DMD: variants seen among roughly 807,000 people sequenced by gnomAD.
DMD encodes dystrophin.
In DMD, 63 loss-of-function variants were observed where a neutral mutation model predicts 330.1. The observed-to-expected ratio is 0.19, with a 90% confidence interval of 0.16 to 0.24. DMD has a LOEUF of 0.24. DMD is among the 10% of genes least tolerant of loss of function. The pLI, the probability that DMD is intolerant of heterozygous loss-of-function variation, is 1.00. For missense variants in DMD, 3,344 were observed against 2,684.1 expected, an observed-to-expected ratio of 1.25 and a Z score of -5.43; for synonymous variants, 1,223 against 959.8, an observed-to-expected ratio of 1.27 and a Z score of -5.07.
At chrX:33,169,093 A>G (rs2049207387) in intron 1 of DMD, among the ~76,000 whole-genome samples, 1 of 110,195 alleles carries the variant, frequency 9.1e-6, no homozygotes, top group African/African-American at 3.3e-5. Context: ...GGGCCTCCCA[A>G]TTACATACAT....
chrX:32,852,858 G>A (rs1471367323), intron 2 of DMD, among the ~76,000 whole-genome samples: 1 of 109,586 alleles, frequency 9.1e-6, no homozygotes, highest in African/African-American at 3.3e-5. Context: ...TGGCTTGGGT[G>A]CCAGCTCTGC....
At chrX:33,197,158 T>C (rs2050987527) in intron 1 of DMD, among the ~76,000 whole-genome samples, 1 of 111,779 alleles carries the variant, frequency 8.9e-6, no homozygotes, top group Admixed American at 9.6e-5. Flanking sequence ...ACAAGACTTA[T>C]CCTCGATTAG....
At chrX:32,524,609 G>A (rs1189740737) in intron 17 of DMD, among the ~76,000 whole-genome samples, 1 of 112,038 alleles carries the variant, frequency 8.9e-6, no homozygotes, top group Admixed American at 9.4e-5. Context: ...TCCACACAAA[G>A]AAGGCTTTGT....
intron 1 of DMD, among the ~76,000 whole-genome samples, chrX:33,097,878 G>A (rs1490561932): frequency 2.7e-5 from 3 of 110,651 alleles, no homozygotes; most frequent in South Asian, 7.6e-4. Flanking sequence ...GCCTCCCAAA[G>A]TGCTGGGATT....
At chrX:31,450,107 G>A (rs73450047) in intron 59 of DMD, among the ~76,000 whole-genome samples, 9,364 of 110,432 alleles carry the variant, frequency 0.085, 933 homozygotes, top group African/African-American at 0.28. Flanking sequence ...AAGACTCTTG[G>A]AAAACAGCCT....
intron 1 of DMD, among the ~76,000 whole-genome samples, chrX:33,283,760 T>C (rs1160429149): frequency 1.8e-5 from 2 of 111,030 alleles, no homozygotes; most frequent in Non-Finnish European, 3.8e-5. Flanking sequence ...GGCTCACACC[T>C]GTAATCCCAG....
chrX:32,165,980 A>T (rs1384796609), intron 44 of DMD, among the ~76,000 whole-genome samples: 1 of 110,851 alleles, frequency 9.0e-6, no homozygotes, highest in African/African-American at 3.3e-5. Flanking sequence ...CATGATTTTA[A>T]GTTTCCTGAG....
chrX:31,257,274 G>A (rs1197122573), intron 63 of DMD, among the ~76,000 whole-genome samples: 1 of 106,181 alleles, frequency 9.4e-6, no homozygotes, highest in African/African-American at 3.5e-5. Context: ...CCTGGAGTGG[G>A]GGTACAGAGG....
chrX:32,739,738 C>G (rs2068988354), intron 7 of DMD, among the ~76,000 whole-genome samples: 1 of 110,745 alleles, frequency 9.0e-6, no homozygotes, highest in African/African-American at 3.3e-5. Flanking sequence ...AAGAGAAGAG[C>G]TTTTATACTT....
At chrX:32,773,680 G>C (rs1343185219) in intron 7 of DMD, among the ~76,000 whole-genome samples, 1 of 110,212 alleles carries the variant, frequency 9.1e-6, no homozygotes, top group Admixed American at 9.7e-5. Flanking sequence ...GTGTCTCTGT[G>C]CCTGGTTGAT....
chrX:33,075,036 G>T (rs902691359), intron 1 of DMD, among the ~76,000 whole-genome samples: 120 of 111,958 alleles, frequency 1.1e-3, no homozygotes, highest in African/African-American at 3.8e-3. Flanking sequence ...CTGCGGTGTA[G>T]ACATACAGGA....
intron 7 of DMD, among the ~76,000 whole-genome samples, chrX:32,776,314 G>C (rs1569517784): frequency 9.3e-6 from 1 of 107,407 alleles, no homozygotes; most frequent in Admixed American, 1.0e-4. Flanking sequence ...ACCTCTGCCA[G>C]TTACCCAGTT....
intron 12 of DMD, among the ~76,000 whole-genome samples, chrX:32,613,675 T>C (rs1407906979): frequency 9.0e-6 from 1 of 110,662 alleles, no homozygotes; most frequent in Non-Finnish European, 1.9e-5. Context: ...AAGTAATCCC[T>C]ATGAAGTCTG....
In DMD at chrX:32,360,133, T is replaced by C. The variant is rs186470640; in HGVS notation, c.5325+2655A>G. On this transcript the variant is annotated intron_variant, in intron 37 of 78. Transcript: ENST00000357033. Reference sequence around the variant, plus strand: ...CTCTCTGCCGAGATCATCTCACCATTATTTGAACATCCCCATGAAGATGAA... The same window carrying C: ...CTCTCTGCCGAGATCATCTCACCATCATTTGAACATCCCCATGAAGATGAA... 5.6e-3 allele frequency among the ~76,000 whole-genome samples: 630 copies of C among 111,847 alleles called. 3 individuals are homozygous for C. Among genetic ancestry groups the C allele is most frequent in the South Asian group, 0.024 (65 of 2,703 alleles).
At chrX:31,821,661 G>C (rs2092762703) in intron 49 of DMD, among the ~76,000 whole-genome samples, 1 of 112,087 alleles carries the variant, frequency 8.9e-6, no homozygotes, top group Admixed American at 9.5e-5. Context: ...GAAATATTTA[G>C]TTCATTACAA....
intron 12 of DMD, among the ~76,000 whole-genome samples, chrX:32,612,150 A>G: frequency 9.0e-6 from 1 of 111,727 alleles, no homozygotes; most frequent in East Asian, 2.9e-4. Context: ...CCTGGAGCTC[A>G]GTCTTACTGG....
intron 9 of DMD, among the ~76,000 whole-genome samples, chrX:32,653,655 C>T (rs2060337686): frequency 9.0e-6 from 1 of 111,495 alleles, no homozygotes; most frequent in African/African-American, 3.3e-5. Context: ...TTTTTTGGTT[C>T]CATATGAACT....
intron 44 of DMD, among the ~76,000 whole-genome samples, chrX:32,144,377 C>T (rs1484438408): frequency 1.8e-5 from 2 of 111,873 alleles, no homozygotes; most frequent in African/African-American, 6.5e-5. Context: ...AAAGCAAAGA[C>T]AAACCAATCC....
At chrX:31,647,136 G>C (rs1289566374) in intron 54 of DMD, among the ~76,000 whole-genome samples, 1 of 111,933 alleles carries the variant, frequency 8.9e-6, no homozygotes, top group Non-Finnish European at 1.9e-5. Context: ...TCCCTGCTTT[G>C]TGGCATTGAT....
Sources: allele counts gnomAD v4.1 joint callset (sites outside exome capture counted in the v4.1 genomes callset), GRCh38; gene constraint gnomAD v4.1.1; transcripts MANE v1.5; gene names NCBI Gene and HGNC (gene_info 2026-07-23, HGNC 2026-07-21).